The following FSTL4 variants were observed in gnomAD, a reference collection of about 807,000 sequenced individuals.
FSTL4 encodes follistatin like 4, also known as follistatin-related protein 4.
A neutral mutation model predicts 78.2 loss-of-function variants in FSTL4; 28 were observed. The observed-to-expected ratio is 0.36, with a 90% CI of 0.27 to 0.49. The LOEUF (loss-of-function observed/expected upper bound fraction) is 0.49, where lower values mean the gene tolerates loss of function less well. Ranked by LOEUF, FSTL4 falls within the 20% of genes least tolerant of loss-of-function variation. The pLI is 0.98. For missense variants in FSTL4, 922 were observed against 1,084.9 expected, an observed-to-expected ratio of 0.85 and a Z score of 2.11; for synonymous variants, 422 against 440.5, an observed-to-expected ratio of 0.96 and a Z score of 0.53.
chr5:133,725,914 C>T, the FSTL4 span, among the ~76,000 whole-genome samples: 1 of 152,228 alleles, frequency 6.6e-6, no homozygotes, highest in African/African-American at 2.4e-5. Flanking sequence ...CTGTTAGCAC[C>T]TTTGTCATTC....
rs34238549 is a variant in FSTL4, at chr5:133,461,542, T to TAAACAAAC, written c.161-60564_161-60557dup. 4.0e-3 allele frequency among the ~76,000 whole-genome samples: 598 copies of TAAACAAAC among 151,228 alleles called. 1 individual carries two copies. Among genetic ancestry groups the TAAACAAAC allele is most frequent in the African/African-American group, 0.01 (414 of 41,106 alleles). ...GAATGCAAATTTGATTTTTACTCCC[T>TAAACAAAC]AAACAAACAAACAAACAAACAAACA... is the stretch of plus-strand genomic sequence containing the variant. On this transcript the variant is annotated intron_variant, in intron 3 of 15. Coordinates refer to ENST00000265342, the MANE Select transcript of FSTL4 (RefSeq NM_015082.2).
At chr5:133,829,253 C>T in the FSTL4 span, among the ~76,000 whole-genome samples, 4 of 152,084 alleles carry the variant, frequency 2.6e-5, no homozygotes, top group African/African-American at 2.4e-5. Flanking sequence ...TAAAATTAGC[C>T]GGGTGTGGTA....
intron 13 of FSTL4, among the ~76,000 whole-genome samples, chr5:133,211,743 C>T (rs1750732056): frequency 6.6e-6 from 1 of 152,150 alleles, no homozygotes; most frequent in Admixed American, 6.5e-5. Flanking sequence ...CCTGGCTTCT[C>T]CTCTTCATTC....
At chr5:133,839,906 G>C in the FSTL4 span, among the ~76,000 whole-genome samples, 181 of 152,344 alleles carry the variant, frequency 1.2e-3, 1 homozygote, top group East Asian at 0.033. Flanking sequence ...CCAGTTGGCA[G>C]GTCTTGTGTG....
the FSTL4 span, among the ~76,000 whole-genome samples, chr5:133,798,129 C>T: frequency 3.9e-5 from 6 of 152,236 alleles, no homozygotes; most frequent in African/African-American, 7.2e-5. Flanking sequence ...TCTGTGAGCA[C>T]GGGCCCATCC....
chr5:133,406,093 G>A (rs1416875981), intron 3 of FSTL4, among the ~76,000 whole-genome samples: 3 of 151,574 alleles, frequency 2.0e-5, no homozygotes, highest in Admixed American at 6.6e-5. Flanking sequence ...ATGCGAGGAA[G>A]GAAATAACCA....
intron 3 of FSTL4, among the ~76,000 whole-genome samples, chr5:133,431,345 TG>T (rs1456575588): frequency 1.3e-5 from 2 of 152,200 alleles, no homozygotes; most frequent in Non-Finnish European, 2.9e-5. Flanking sequence ...GTAACTTGCT[TG>T]AACAATAGAA....
At chr5:133,420,036 CTG>C (rs1250088635) in intron 3 of FSTL4, among the ~76,000 whole-genome samples, 7 of 152,144 alleles carry the variant, frequency 4.6e-5, no homozygotes, top group African/African-American at 1.7e-4. Context: ...ACAAAACAAA[CTG>C]TGATATAGTC....
chr5:133,820,213 G>A, the FSTL4 span, among the ~76,000 whole-genome samples: 3 of 152,262 alleles, frequency 2.0e-5, no homozygotes, highest in South Asian at 2.1e-4. Flanking sequence ...TCCCCGGGCC[G>A]GCTGGGAGGG....
At chr5:133,630,235 T>A in the FSTL4 span, among the ~76,000 whole-genome samples, 1 of 152,288 alleles carries the variant, frequency 6.6e-6, no homozygotes, top group African/African-American at 2.4e-5. Context: ...CATGATTGTA[T>A]ATTTAGAAAA....
At chr5:133,429,461 C>T (rs1158116584) in intron 3 of FSTL4, among the ~76,000 whole-genome samples, 5 of 152,006 alleles carry the variant, frequency 3.3e-5, no homozygotes, top group South Asian at 2.1e-4. Flanking sequence ...GGTCTATGCT[C>T]GTGACTCCCC....
At chr5:133,670,621 T>C in the FSTL4 span, among the ~76,000 whole-genome samples, 1 of 152,266 alleles carries the variant, frequency 6.6e-6, no homozygotes, top group African/African-American at 2.4e-5. Flanking sequence ...ATTGCTATTA[T>C]GCTGTCCCTG....
At chr5:133,532,410 C>A (rs1759273762) in intron 3 of FSTL4, among the ~76,000 whole-genome samples, 1 of 152,198 alleles carries the variant, frequency 6.6e-6, no homozygotes, top group Non-Finnish European at 1.5e-5. Context: ...TGTTCAATAT[C>A]ATCTCCAGAT....
intron 13 of FSTL4, among the ~76,000 whole-genome samples, chr5:133,213,003 GAAAGT>G (rs1050217708): frequency 6.2e-5 from 9 of 144,854 alleles, no homozygotes; most frequent in Non-Finnish European, 1.3e-4. Flanking sequence ...GTGAAGAATA[GAAAGT>G]AAAGATTTTT....
At chr5:133,228,729 A>C (rs1751404928) in intron 8 of FSTL4, among the ~76,000 whole-genome samples, 1 of 152,252 alleles carries the variant, frequency 6.6e-6, no homozygotes, top group South Asian at 2.1e-4. Flanking sequence ...TCAATAAAAT[A>C]GGAACAGAAT....
At chr5:133,313,054 A>T (rs911875666) in intron 5 of FSTL4, among the ~76,000 whole-genome samples, 29 of 152,164 alleles carry the variant, frequency 1.9e-4, no homozygotes, top group African/African-American at 7.0e-4. Flanking sequence ...AGGCAGACAG[A>T]CCCAGACAGT....
At chr5:133,531,972 C>T (rs1044587224) in intron 3 of FSTL4, among the ~76,000 whole-genome samples, 1 of 152,194 alleles carries the variant, frequency 6.6e-6, no homozygotes, top group South Asian at 2.1e-4. Flanking sequence ...ACATCCTAGG[C>T]CTGGTACCTA....
At chr5:133,760,043 C>A in the FSTL4 span, among the ~76,000 whole-genome samples, 1 of 152,214 alleles carries the variant, frequency 6.6e-6, no homozygotes, top group Non-Finnish European at 1.5e-5. Context: ...CTGGTTCTTG[C>A]AGACAGTCTA....
the FSTL4 span, among the ~76,000 whole-genome samples, chr5:133,672,406 C>T: frequency 1.3e-5 from 2 of 152,100 alleles, no homozygotes; most frequent in African/African-American, 2.4e-5. Context: ...TAAGCCAGTG[C>T]GATTTGGGAT....
Sources: gnomAD v4.1 joint callset for allele counts (sites outside exome capture counted in the v4.1 genomes callset) on GRCh38, gnomAD v4.1.1 for gene constraint, MANE v1.5 for transcripts, NCBI Gene and HGNC (gene_info 2026-07-23, HGNC 2026-07-21) for gene names.